CCDC122: variants seen among roughly 807,000 people sequenced by gnomAD.
CCDC122 encodes coiled-coil domain containing 122.
In CCDC122, 38 loss-of-function variants were observed where a neutral mutation model predicts 37.0. The observed-to-expected ratio is 1.03, with a 90% CI of 0.79 to 1.35. CCDC122 has a LOEUF of 1.35. Ranked by LOEUF, CCDC122 falls within the 40% of genes most tolerant of loss-of-function variation. The pLI, the probability that CCDC122 is intolerant of heterozygous loss-of-function variation, is 0.00. For synonymous variants in CCDC122, 83 were observed against 95.6 expected (o/e 0.87, Z 0.77); for missense variants, 305 against 310.0 (o/e 0.98, Z 0.12).
At chr13:43,856,127 G>A (rs1953899881) in intron 6 of CCDC122, 1 of 152,190 alleles carries the variant, frequency 6.6e-6, no homozygotes, top group Non-Finnish European at 1.5e-5. Flanking sequence ...AATACTGGAT[G>A]TTCTCACTTA....
chr13:43,838,581 C>T (rs1953240365), intron 6 of CCDC122, among the ~76,000 whole-genome samples: 1 of 152,062 alleles, frequency 6.6e-6, no homozygotes, highest in African/African-American at 2.4e-5. Context: ...AGAGTTGTAC[C>T]AACTCTATGA....
chr13:43,830,568 G>A (rs1313509827), intron 3 of CCDC122, among the ~76,000 whole-genome samples: 4 of 152,168 alleles, frequency 2.6e-5, no homozygotes, highest in African/African-American at 7.2e-5. Flanking sequence ...AAGAGTTTTG[G>A]AGGCGAAAGC....
chr13:43,875,265 C>A (rs1303053349), intron 1 of CCDC122, among the ~76,000 whole-genome samples: 1 of 152,184 alleles, frequency 6.6e-6, no homozygotes, highest in Non-Finnish European at 1.5e-5. Flanking sequence ...GGGGCAAGGT[C>A]TTTTATTTCC....
At chr13:43,832,447 C>T (rs1953098609), downstream of CCDC122, among the ~76,000 whole-genome samples, 1 of 152,014 alleles carries the variant, frequency 6.6e-6, no homozygotes, top group Non-Finnish European at 1.5e-5. Flanking sequence ...TGTAAAATAA[C>T]ACAGAAATTT....
chr13:43,869,394 TC>T lies in CCDC122; in HGVS notation c.-19del. 6.3e-7 allele frequency: 1 copy of T among 1,598,366 alleles called. No individual in the cohort carries two copies. Among genetic ancestry groups the T allele is most frequent in the Non-Finnish European group, 8.5e-7 (1 of 1,170,512 alleles). The stretch of plus-strand genomic sequence containing the variant: ...TCTGACATTTTCTGTGTCTGTAATC[TC>T]TTTTCCCCTTTTTGATTTACCTTCT... On this transcript the variant is annotated 5_prime_UTR_variant, in exon 3 of 7. Coordinates refer to ENST00000444614, the MANE Select transcript of CCDC122 (RefSeq NM_144974.5).
intron 4 of CCDC122, among the ~76,000 whole-genome samples, chr13:43,867,679 T>C (rs1051795308): frequency 6.6e-6 from 1 of 152,158 alleles, no homozygotes. Context: ...AAGTAGGCTC[T>C]CAATATAAAT....
Position 43,843,246 on chromosome 13 carries a change from T to C in CCDC122, c.673-5817A>G, listed in dbSNP as rs559338301. ...CTGATATTACTCTCAGAAAATATGC[T>C]ATTCTCATAAAATTTGTTGAGAGTG... is the stretch of plus-strand genomic sequence containing the variant. On this transcript the variant is annotated intron_variant, in intron 6 of 6. Coordinates refer to ENST00000444614, the MANE Select transcript of CCDC122 (RefSeq NM_144974.5). Among the ~76,000 whole-genome samples, 3 of 152,144 alleles carry C rather than the reference T, an allele frequency of 2.0e-5. No homozygotes were observed. In the South Asian group the frequency reaches 6.2e-4, roughly 32 times the overall value.
chr13:43,871,553 T>C (rs1400794061), intron 2 of CCDC122, among the ~76,000 whole-genome samples: 1 of 152,124 alleles, frequency 6.6e-6, no homozygotes, highest in African/African-American at 2.4e-5. Flanking sequence ...AACCCATCCT[T>C]ATTCAGCTTG....
chr13:43,830,000 C>G (rs1444061304), intron 3 of CCDC122, among the ~76,000 whole-genome samples: 37 of 151,984 alleles, frequency 2.4e-4, no homozygotes, highest in Admixed American at 2.4e-3. Context: ...GTCAGCCTCC[C>G]GAGTAGCTGG....
chr13:43,830,385 CA>C (rs915870178), intron 3 of CCDC122, among the ~76,000 whole-genome samples: 4 of 152,058 alleles, frequency 2.6e-5, no homozygotes, highest in African/African-American at 9.7e-5. Flanking sequence ...TTGGGATTCC[CA>C]GAAGCAGATT....
intron 5 of CCDC122, 28 bp downstream of exon 5, chr13:43,859,644 A>T (rs146458365): frequency 6.9e-7 from 1 of 1,450,066 alleles, no homozygotes; most frequent in East Asian, 2.5e-5. Context: ...TAATAGAAAA[A>T]ATAGTTTTAC....
chr13:43,824,190 T>C (rs1235555778), intron 3 of CCDC122, among the ~76,000 whole-genome samples: 2 of 152,210 alleles, frequency 1.3e-5, no homozygotes, highest in Non-Finnish European at 2.9e-5. Flanking sequence ...AGTAGAAACC[T>C]GAGTCCCAAA....
intron 6 of CCDC122, among the ~76,000 whole-genome samples, chr13:43,845,462 G>T (rs1953486972): frequency 1.3e-5 from 2 of 152,308 alleles, no homozygotes; most frequent in South Asian, 4.1e-4. Context: ...TGTAATCCCA[G>T]CACTTTGGGA....
At chr13:43,863,675 TTGTG>T (rs55637761) in intron 4 of CCDC122, among the ~76,000 whole-genome samples, 68,435 of 149,054 alleles carry the variant, frequency 0.46, 15,531 homozygotes, top group Admixed American at 0.53. Flanking sequence ...TTCTAGTGGG[TTGTG>T]TGTGTGTGTG....
downstream of CCDC122, among the ~76,000 whole-genome samples, chr13:43,821,504 G>A (rs927134660): frequency 6.6e-6 from 1 of 152,192 alleles, no homozygotes; most frequent in African/African-American, 2.4e-5. Context: ...AATTATAGGC[G>A]TAAGCCACTA....
At chr13:43,828,590 ACACACAC>A (rs1006920089) in intron 3 of CCDC122, among the ~76,000 whole-genome samples, 3 of 141,972 alleles carry the variant, frequency 2.1e-5, no homozygotes, top group Non-Finnish European at 4.7e-5. Context: ...ACACACACAC[ACACACAC>A]ACGTGTCTTT....
chr13:43,829,726 G>C (rs1285020421), intron 3 of CCDC122, among the ~76,000 whole-genome samples: 1 of 152,114 alleles, frequency 6.6e-6, no homozygotes, highest in African/African-American at 2.4e-5. Flanking sequence ...CATCCAGTCG[G>C]AATGAGAACA....
Position 43,849,674 on chromosome 13 carries a change from A to G in CCDC122, c.672+9107T>C, listed in dbSNP as rs369581403. 5.9e-5 allele frequency among the ~76,000 whole-genome samples: 9 copies of G among 152,364 alleles called. No homozygotes were observed. In the East Asian group the frequency reaches 1.7e-3, roughly 29 times the overall value. On this transcript the variant is annotated intron_variant, in intron 6 of 6. Transcript: ENST00000444614. The stretch of plus-strand genomic sequence containing the variant: ...CAGCTTAGTGAGACAGAAAACTTGT[A>G]GGCAGTAACTGTTTTACTAAAGTCA...
chr13:43,826,312 C>A (rs1167746091), intron 3 of CCDC122, among the ~76,000 whole-genome samples: 2 of 152,032 alleles, frequency 1.3e-5, no homozygotes, highest in African/African-American at 2.4e-5. Flanking sequence ...ACTTACTTAC[C>A]TAAATTGTGA....
Sources: allele counts gnomAD v4.1 joint callset (sites outside exome capture counted in the v4.1 genomes callset), GRCh38; gene constraint gnomAD v4.1.1; transcripts MANE v1.5; gene names NCBI Gene and HGNC (gene_info 2026-07-23, HGNC 2026-07-21).